Variants in PRPF4 observed in about 807,000 individuals in gnomAD.
The protein encoded by PRPF4 is pre-mRNA splicing tri-snRNP complex factor PRPF4.
Under a neutral mutation model 72.2 loss-of-function variants are expected in PRPF4, and 14 were observed. The observed-to-expected ratio is 0.19, with a 90% CI of 0.13 to 0.30. The LOEUF (loss-of-function observed/expected upper bound fraction) is 0.30, where lower values mean the gene tolerates loss of function less well. Among genes scored for constraint, PRPF4 ranks in the 10% least tolerant of loss-of-function variants. PRPF4 has a pLI of 1.00. For synonymous variants in PRPF4, 225 were observed against 232.2 expected, an observed-to-expected ratio of 0.97 and a Z score of 0.28; for missense variants, 478 against 653.9, an observed-to-expected ratio of 0.73 and a Z score of 2.93.
intron 3 of PRPF4, among the ~76,000 whole-genome samples, chr9:113,282,215 G>A (rs1379321101): frequency 6.6e-6 from 1 of 152,218 alleles, no homozygotes; most frequent in Non-Finnish European, 1.5e-5. Flanking sequence ...GCTCATGCCC[G>A]TAATCCCAGC....
chr9:113,284,061 C>G (rs1832361550), intron 6 of PRPF4, among the ~76,000 whole-genome samples: 1 of 128,696 alleles, frequency 7.8e-6, no homozygotes, highest in Admixed American at 8.3e-5. Flanking sequence ...CAGCAAGACT[C>G]TGTCTCAAAA....
intron 10 of PRPF4, among the ~76,000 whole-genome samples, chr9:113,290,023 C>A (rs192350445): frequency 1.3e-5 from 2 of 152,180 alleles, no homozygotes; most frequent in East Asian, 3.9e-4. Context: ...AGTTCGAGAC[C>A]AGCCTGGCCA....
At chr9:113,281,310 G>A (rs1832275812) in intron 3 of PRPF4, among the ~76,000 whole-genome samples, 3 of 152,070 alleles carry the variant, frequency 2.0e-5, no homozygotes. Flanking sequence ...TTTTCAAAGG[G>A]TATACTTTTT....
At chr9:113,287,191 C>T (rs868346687) in intron 9 of PRPF4, among the ~76,000 whole-genome samples, 4 of 152,116 alleles carry the variant, frequency 2.6e-5, no homozygotes, top group South Asian at 4.1e-4. Flanking sequence ...TTTTTTCTTA[C>T]CTGTTAACTT....
At chr9:113,290,837 A>T in intron 12 of PRPF4, 30 bp downstream of exon 12, 1 of 1,613,272 alleles carries the variant, frequency 6.2e-7, no homozygotes, top group East Asian at 2.2e-5. Context: ...TGAGGGGCGA[A>T]AAAGGGTTCT....
intron 6 of PRPF4, 27 bp from the exon 7 acceptor site, chr9:113,284,262 GATCACC>G (rs1832368992): frequency 6.8e-7 from 1 of 1,473,176 alleles, no homozygotes; most frequent in Non-Finnish European, 9.5e-7. Context: ...ACCTATTAAT[GATCACC>G]GTGTGTGTAT....
intron 1 of PRPF4, among the ~76,000 whole-genome samples, chr9:113,276,022 A>C (rs765894868): frequency 2.0e-5 from 3 of 152,200 alleles, no homozygotes; most frequent in Non-Finnish European, 4.4e-5. Flanking sequence ...TCATCCAGTA[A>C]CGGTGCTCTG....
intron 7 of PRPF4, among the ~76,000 whole-genome samples, chr9:113,285,297 G>A (rs1832402042): frequency 7.1e-6 from 1 of 140,970 alleles, no homozygotes; most frequent in African/African-American, 2.6e-5. Flanking sequence ...GAGCCCAGGA[G>A]TTTGAGACCA....
chr9:113,286,658 A>T, intron 8 of PRPF4, 47 bp from the exon 9 acceptor site: 8 of 1,612,664 alleles, frequency 5.0e-6, no homozygotes, highest in Non-Finnish European at 6.8e-6. Flanking sequence ...AACATGGGTT[A>T]TAAAGAGGCA....
intron 2 of PRPF4, among the ~76,000 whole-genome samples, chr9:113,278,151 C>T (rs1288095568): frequency 6.6e-6 from 1 of 151,986 alleles, no homozygotes; most frequent in Non-Finnish European, 1.5e-5. Context: ...GTTGTATAAC[C>T]CCCATTTTTC....
chr9:113,285,433 C>T (rs1031379206), intron 7 of PRPF4, among the ~76,000 whole-genome samples: 2 of 126,520 alleles, frequency 1.6e-5, no homozygotes, highest in East Asian at 2.6e-4. Context: ...GGCTGGAGTG[C>T]AGTGGCGCGA....
chr9:113,276,442 C>T lies in PRPF4; in HGVS notation c.28-106C>T, dbSNP rs1832098604. On this transcript the variant is annotated intron_variant, in intron 1 of 13. Coordinates refer to ENST00000374198, the MANE Select transcript of PRPF4 (RefSeq NM_001244926.2). ...AGTGTCCAATTTGTCCTTTCAATTACAGAGGAAACAGGACTGTGAAACTCA... is the reference window on the plus strand; with the variant it reads ...AGTGTCCAATTTGTCCTTTCAATTATAGAGGAAACAGGACTGTGAAACTCA... 5 of 1,258,646 alleles carry T rather than the reference C, an allele frequency of 4.0e-6. 1 individual carries two copies. The Admixed American group carries it at 5.3e-5, about 13-fold the overall frequency. 78.0% of individuals were successfully genotyped at this position (1,258,646 alleles called of 1,614,324 possible). A position where few individuals can be genotyped will look rare whatever the true frequency, so the allele number is the denominator to read the frequency against.
Position 113,286,838 on chromosome 9 carries a change from A to C in PRPF4, c.932+10A>C. ...TTTGGAGTCTCGACAGGTGAATATC[A>C]CTGTTCTGTGGCCCATACTGCCATC... On this transcript the variant is annotated intron_variant, in intron 9 of 13. Coordinates refer to ENST00000374198, the MANE Select transcript of PRPF4 (RefSeq NM_001244926.2). 6.2e-7 allele frequency: 1 copy of C among 1,614,096 alleles called. No homozygotes were observed. The highest frequency in any genetic ancestry group is 8.5e-7 in the Non-Finnish European group (1 of 1,179,966).
intron 13 of PRPF4, 93 bp downstream of exon 13, chr9:113,291,109 G>A: frequency 7.9e-7 from 1 of 1,272,454 alleles, no homozygotes; most frequent in Non-Finnish European, 1.1e-6. Flanking sequence ...TAACTGAGCA[G>A]TAAAACAGGA....
intron 10 of PRPF4, 133 bp from the exon 11 acceptor site, chr9:113,290,332 CT>C: frequency 7.9e-7 from 1 of 1,268,580 alleles, no homozygotes; most frequent in Non-Finnish European, 1.1e-6. Flanking sequence ...CAGAAAGGAG[CT>C]TCCTGTTAAT....
Position 113,276,692 on chromosome 9 carries a change from G to A in PRPF4, c.172G>A (p.Gly58Arg), listed in dbSNP as rs756760754. ...TTTGGGGAAAGACGGACTTAAAGCA[G>A]GGATCGAAGCTGGAAATATTAATAT... ...GILGKDGLKA[G>R]IEAGNINITS... Residue 58 changes from glycine to arginine, a missense_variant, in exon 2 of 14, where the codon GGG (glycine) becomes AGG (arginine). Gly to Arg is a moderately radical substitution (Grantham distance 125, BLOSUM62 -2). Transcript: ENST00000374198. 1 of 1,613,924 alleles carries A rather than the reference G, an allele frequency of 6.2e-7. No individual in the cohort carries two copies. Among genetic ancestry groups the A allele is most frequent in the East Asian group, 2.2e-5 (1 of 44,884 alleles).
Position 113,284,389 on chromosome 9 carries a change from G to A in PRPF4, c.749G>A (p.Trp250Ter). ...PNSKMLATAC[W>*]SGLCKLWSVP... is the part of the protein sequence containing the mutation. The stretch of plus-strand genomic sequence containing the variant: ...TCCAAGATGCTGGCCACAGCTTGTT[G>A]GTAAGTTCCATTTTACAATGACATT... The change falls in exon 7 of 14, where the codon TGG becomes TAG. Residue 250 changes from tryptophan to a stop codon, truncating the protein, a stop_gained and splice_region_variant. Transcript: ENST00000374198. LOFTEE classifies it high-confidence loss of function. 6.2e-7 allele frequency: 1 copy of A among 1,604,514 alleles called. No homozygotes were observed. Among genetic ancestry groups the A allele is most frequent in the Non-Finnish European group, 8.5e-7 (1 of 1,171,336 alleles).
rs117673249 is a variant in PRPF4 at position 113,291,966 on chromosome 9, A to G, written c.*306A>G. The G allele has an allele frequency of 0.086, 15,730 of 183,698 alleles. 1,180 individuals carry two copies. The highest frequency in any genetic ancestry group is 0.35 in the East Asian group (2,465 of 6,986). The allele number at this position is 183,698 out of a possible 1,614,324, so 11.4% of individuals were successfully genotyped here. A position where few individuals can be genotyped will look rare whatever the true frequency, so the allele number is the denominator to read the frequency against. ...GGTGGCTCACGCCTGTAATCCTAGC[A>G]CTTTGGGAGGCCGAGGTGGGTAGAT... On this transcript the variant is annotated 3_prime_UTR_variant, in exon 14 of 14. Coordinates refer to ENST00000374198, the MANE Select transcript of PRPF4 (RefSeq NM_001244926.2).
intron 8 of PRPF4, 38 bp from the exon 9 acceptor site, chr9:113,286,667 C>G (rs1832457324): frequency 6.2e-7 from 1 of 1,613,498 alleles, no homozygotes; most frequent in East Asian, 2.2e-5. Context: ...TATAAAGAGG[C>G]AGGAACCTTT....
Sources: allele counts gnomAD v4.1 joint callset (sites outside exome capture counted in the v4.1 genomes callset), GRCh38; gene constraint gnomAD v4.1.1; transcripts MANE v1.5; gene names NCBI Gene and HGNC (gene_info 2026-07-23, HGNC 2026-07-21).